Variants in ZSWIM6 observed in about 807,000 individuals in gnomAD.
The protein encoded by ZSWIM6 is zinc finger SWIM-type containing 6.
Under a neutral mutation model 113.2 loss-of-function variants are expected in ZSWIM6, and 9 were observed. That is an observed-to-expected ratio of 0.08 (90% CI 0.05 to 0.14). ZSWIM6 has a LOEUF of 0.14. Ranked by LOEUF, ZSWIM6 falls within the 10% of genes least tolerant of loss-of-function variation. The pLI is 1.00. For missense variants in ZSWIM6, 1,162 were observed against 1,552.2 expected (o/e 0.75, Z 4.22); for synonymous variants, 611 against 606.5 (o/e 1.01, Z -0.11).
intron 4 of ZSWIM6, among the ~76,000 whole-genome samples, chr5:61,494,841 A>G (rs1748276289): frequency 6.6e-6 from 1 of 152,148 alleles, no homozygotes; most frequent in Non-Finnish European, 1.5e-5. Flanking sequence ...TTTGGCTGCT[A>G]TAGATTTAAA....
intron 1 of ZSWIM6, among the ~76,000 whole-genome samples, chr5:61,449,050 C>CA (rs1747028718): frequency 1.3e-5 from 2 of 152,202 alleles, no homozygotes; most frequent in Non-Finnish European, 2.9e-5. Context: ...CCATCCTATA[C>CA]AATTCCTGTT....
chr5:61,342,255 A>G (rs1200157957), intron 1 of ZSWIM6, among the ~76,000 whole-genome samples: 1 of 152,140 alleles, frequency 6.6e-6, no homozygotes, highest in Non-Finnish European at 1.5e-5. Context: ...ACTCTTTAAC[A>G]CTTCTACAAC....
intron 10 of ZSWIM6, among the ~76,000 whole-genome samples, chr5:61,536,046 T>G (rs1400910826): frequency 6.6e-6 from 1 of 152,244 alleles, no homozygotes; most frequent in African/African-American, 2.4e-5. Context: ...CCATCAGTAG[T>G]GCAGGAAAGC....
chr5:61,341,038 T>C (rs1482889524), intron 1 of ZSWIM6, among the ~76,000 whole-genome samples: 1 of 152,242 alleles, frequency 6.6e-6, no homozygotes, highest in Admixed American at 6.5e-5. Flanking sequence ...ACTATGTCAT[T>C]GATGAGAAAA....
intron 1 of ZSWIM6, among the ~76,000 whole-genome samples, chr5:61,411,552 T>C (rs559156349): frequency 6.6e-6 from 1 of 152,332 alleles, no homozygotes; most frequent in African/African-American, 2.4e-5. Flanking sequence ...TATATTGTCT[T>C]CAATGTGTTA....
At chr5:61,365,912 G>A (rs375462110) in intron 1 of ZSWIM6, among the ~76,000 whole-genome samples, 13 of 152,114 alleles carry the variant, frequency 8.5e-5, no homozygotes, top group African/African-American at 2.6e-4. Context: ...CAAATGTATC[G>A]TCTATCAGGT....
chr5:61,367,738 C>G (rs1482285423), intron 1 of ZSWIM6, among the ~76,000 whole-genome samples: 1 of 152,090 alleles, frequency 6.6e-6, no homozygotes, highest in African/African-American at 2.4e-5. Flanking sequence ...AGTGGCTAGA[C>G]TTTTTACCTT....
chr5:61,539,070 T>C, intron 11 of ZSWIM6, 99 bp downstream of exon 11: 1 of 1,316,164 alleles, frequency 7.6e-7, no homozygotes, highest in African/African-American at 1.5e-5. Context: ...GTGGTGTTAA[T>C]GTCAGATAGG....
chr5:61,333,952 C>T (rs550426119), intron 1 of ZSWIM6, among the ~76,000 whole-genome samples: 140 of 152,118 alleles, frequency 9.2e-4, no homozygotes, highest in Non-Finnish European at 1.6e-3. Context: ...GCGGCCGCTC[C>T]CGCGTCCCCG....
Position 61,525,869 on chromosome 5 carries a change from A to G in ZSWIM6, c.1583A>G (p.Asp528Gly). The change falls in exon 6 of 14, where the codon GAT becomes GGT. Residue 528 changes from aspartate to glycine, a missense_variant. This residue lies in a region of ZSWIM6 where 620 missense variants were observed against 804.6 expected (regional missense o/e 0.77). Transcript: ENST00000252744. ...AIEACDLHWQ[D>G]SHLQHIISSD... Reference sequence around the variant, plus strand: ...GAGGCATGCGATCTCCACTGGCAGGATAGCCACTTGCAGCACATTATCAGC... The same window carrying G: ...GAGGCATGCGATCTCCACTGGCAGGGTAGCCACTTGCAGCACATTATCAGC... 1 of 1,551,886 alleles carries G rather than the reference A, an allele frequency of 6.4e-7. No individual in the cohort carries two copies. Among genetic ancestry groups the G allele is most frequent in the South Asian group, 1.2e-5 (1 of 84,060 alleles).
intron 7 of ZSWIM6, among the ~76,000 whole-genome samples, 162 bp downstream of exon 7, chr5:61,526,558 ATCTTTT>A (rs1561279087): frequency 1.3e-5 from 2 of 151,130 alleles, no homozygotes; most frequent in Non-Finnish European, 1.5e-5. Context: ...AATTTGGGGC[ATCTTTT>A]TCTTAGTTGA....
chr5:61,460,563 A>G (rs892235120), intron 1 of ZSWIM6, among the ~76,000 whole-genome samples: 2 of 152,142 alleles, frequency 1.3e-5, no homozygotes, highest in African/African-American at 4.8e-5. Context: ...TAAAATTTAC[A>G]TTGTATTAGA....
At chr5:61,417,735 A>C (rs1241078187) in intron 1 of ZSWIM6, among the ~76,000 whole-genome samples, 1 of 152,228 alleles carries the variant, frequency 6.6e-6, no homozygotes, top group African/African-American at 2.4e-5. Context: ...AAGCGAATGC[A>C]TGTCTTTTTC....
rs143349131 is a variant in ZSWIM6, at chr5:61,539,120, A to C, written c.2539+149A>C. On this transcript the variant is annotated intron_variant, in intron 11 of 13. Transcript: ENST00000252744. Reference sequence around the variant, plus strand: ...TTCTTTAGATGTTAGCTTTTAAGGCAAAACAGGTGGCATTTTCCTCATTTA... The same window carrying C: ...TTCTTTAGATGTTAGCTTTTAAGGCCAAACAGGTGGCATTTTCCTCATTTA... 3.6e-5 allele frequency: 33 copies of C among 911,452 alleles called. No individual in the cohort carries two copies. In the African/African-American group the frequency reaches 5.6e-4, roughly 15 times the overall value. 56.5% of individuals were successfully genotyped at this position (911,452 alleles called of 1,614,324 possible). A position where few individuals can be genotyped will look rare whatever the true frequency, so the allele number is the denominator to read the frequency against.
intron 1 of ZSWIM6, among the ~76,000 whole-genome samples, chr5:61,436,605 G>A (rs1746712973): frequency 6.6e-6 from 1 of 152,132 alleles, no homozygotes. Flanking sequence ...ATGCTCACAT[G>A]TTTTCACAAC....
At chr5:61,333,692 C>T (rs1405643451) in intron 1 of ZSWIM6, among the ~76,000 whole-genome samples, 2 of 152,078 alleles carry the variant, frequency 1.3e-5, no homozygotes, top group Non-Finnish European at 2.9e-5. Flanking sequence ...GACATCTCGC[C>T]CGTAGGACGC....
intron 4 of ZSWIM6, among the ~76,000 whole-genome samples, chr5:61,520,222 C>T (rs1749076733): frequency 1.3e-5 from 2 of 152,200 alleles, no homozygotes. Context: ...CATTATTATG[C>T]ATTTAACAAA....
intron 1 of ZSWIM6, among the ~76,000 whole-genome samples, chr5:61,351,683 C>T (rs969515283): frequency 6.6e-6 from 1 of 152,074 alleles, no homozygotes; most frequent in Non-Finnish European, 1.5e-5. Context: ...ACCCAGACTA[C>T]CTATTCCACA....
At chr5:61,374,788 C>G (rs1276222946) in intron 1 of ZSWIM6, among the ~76,000 whole-genome samples, 4 of 152,112 alleles carry the variant, frequency 2.6e-5, no homozygotes, top group Admixed American at 6.5e-5. Context: ...ATCTCCTGAC[C>G]TCATGATCCG....
Sources: allele counts gnomAD v4.1 joint callset (sites outside exome capture counted in the v4.1 genomes callset), GRCh38; gene constraint gnomAD v4.1.1; regional missense constraint gnomAD v4.1.1; transcripts MANE v1.5; gene names NCBI Gene and HGNC (gene_info 2026-07-23, HGNC 2026-07-21).